Variants in C1orf185 observed in about 807,000 individuals in gnomAD.
C1orf185 encodes the protein chromosome 1 open reading frame 185, also known as uncharacterized protein C1orf185.
In C1orf185, 13 loss-of-function variants were observed where a neutral mutation model predicts 16.1. The observed-to-expected ratio is 0.81, with a 90% CI of 0.53 to 1.28. The LOEUF (loss-of-function observed/expected upper bound fraction) is 1.28. Ranked by LOEUF, C1orf185 falls within the 50% of genes most tolerant of loss-of-function variation. The probability of loss-of-function intolerance (pLI) is 0.00; values close to 1 mark genes in which losing one functional copy is unlikely to be tolerated. For synonymous variants in C1orf185, 80 were observed against 76.9 expected, an observed-to-expected ratio of 1.04 and a Z score of -0.21; for missense variants, 220 against 225.2, an observed-to-expected ratio of 0.98 and a Z score of 0.15.
chr1:51,145,599 G>T, intron 3 of C1orf185, 125 bp from the exon 4 acceptor site: 1 of 463,778 alleles, frequency 2.2e-6, no homozygotes, highest in Non-Finnish European at 3.6e-6. Context: ...TTCATACTGT[G>T]GAAAGAAACA....
intron 3 of C1orf185, among the ~76,000 whole-genome samples, chr1:51,129,282 G>A (rs1389486767): frequency 6.6e-6 from 1 of 152,144 alleles, no homozygotes; most frequent in East Asian, 1.9e-4. Context: ...CTGGGATTAT[G>A]AGTGTGAGCC....
chr1:51,113,008 G>A (rs1247599958), intron 2 of C1orf185, among the ~76,000 whole-genome samples: 1 of 151,596 alleles, frequency 6.6e-6, no homozygotes, highest in African/African-American at 2.4e-5. Context: ...TAGTAGAGAC[G>A]GGGTTTCACC....
At chr1:51,146,244 A>G (rs1646400046) in intron 4 of C1orf185, among the ~76,000 whole-genome samples, 1 of 152,068 alleles carries the variant, frequency 6.6e-6, no homozygotes, top group South Asian at 2.1e-4. Context: ...AGATCACTTG[A>G]GGCCAGGAGT....
chr1:51,116,913 C>G lies in C1orf185; in HGVS notation c.123-1753C>G, dbSNP rs1646162011. Among the ~76,000 whole-genome samples the G allele has an allele frequency of 3.3e-5, 5 of 152,288 alleles. No individual in the cohort carries two copies. In the South Asian group the frequency reaches 1.0e-3, roughly 32 times the overall value. On this transcript the variant is annotated intron_variant, in intron 2 of 4. Transcript: ENST00000371759. ...AGATGCCCAGTTAAATCATCCCTACCTTAATACTAAAGGCTTCCCTGACCT... is the reference window on the plus strand; with the variant it reads ...AGATGCCCAGTTAAATCATCCCTACGTTAATACTAAAGGCTTCCCTGACCT...
At chr1:51,138,619 C>T (rs1489959118) in intron 3 of C1orf185, among the ~76,000 whole-genome samples, 1 of 152,012 alleles carries the variant, frequency 6.6e-6, no homozygotes, top group Non-Finnish European at 1.5e-5. Context: ...GTCTCAATCT[C>T]CTGACTTCAT....
intron 1 of C1orf185, among the ~76,000 whole-genome samples, chr1:51,108,855 G>A (rs1240756504): frequency 2.0e-5 from 3 of 152,152 alleles, no homozygotes; most frequent in Middle Eastern, 3.4e-3. Flanking sequence ...CTTGGCTATC[G>A]TGAATAATGC....
intron 3 of C1orf185, among the ~76,000 whole-genome samples, chr1:51,131,743 A>T (rs1470798440): frequency 1.3e-5 from 2 of 152,232 alleles, no homozygotes; most frequent in African/African-American, 4.8e-5. Flanking sequence ...AACCTAAAAT[A>T]AGCAATGATT....
Position 51,112,469 on chromosome 1 carries a change from T to C in C1orf185, c.22T>C (p.Phe8Leu). The change falls in exon 2 of 5, where the codon TTT (phenylalanine) becomes CTT (leucine). Residue 8 changes from phenylalanine (F) to leucine (L), a missense_variant. Transcript: ENST00000371759. MASPKGF[F>L]NYLTYFLAAG... Reference sequence around the variant, plus strand: ...TTTGTAATTTGTTTGTATAGGTTTTTTTAATTACTTGACCTATTTTCTTGC... The same window carrying C: ...TTTGTAATTTGTTTGTATAGGTTTTCTTAATTACTTGACCTATTTTCTTGC... The C allele has an allele frequency of 5.2e-6, 8 of 1,542,024 alleles. No individual in the cohort carries two copies. The highest frequency in any genetic ancestry group is 7.0e-6 in the Non-Finnish European group (8 of 1,144,078).
chr1:51,111,050 C>T (rs1042340109), intron 1 of C1orf185, among the ~76,000 whole-genome samples: 3 of 152,046 alleles, frequency 2.0e-5, no homozygotes, highest in East Asian at 1.9e-4. Context: ...AAGCTTTCTA[C>T]GGTTTACTTT....
intron 1 of C1orf185, among the ~76,000 whole-genome samples, chr1:51,108,521 G>A (rs1013757719): frequency 2.6e-5 from 4 of 151,966 alleles, no homozygotes; most frequent in Admixed American, 6.6e-5. Flanking sequence ...AAACATTAGA[G>A]AACATATTCC....
chr1:51,122,158 G>A (rs563359119), intron 3 of C1orf185, among the ~76,000 whole-genome samples: 1 of 152,134 alleles, frequency 6.6e-6, no homozygotes, highest in East Asian at 1.9e-4. Flanking sequence ...CAAATTTTCT[G>A]TGGTTTACAT....
intron 2 of C1orf185, among the ~76,000 whole-genome samples, chr1:51,116,329 T>G (rs1646157461): frequency 6.6e-6 from 1 of 151,648 alleles, no homozygotes; most frequent in Admixed American, 6.6e-5. Context: ...TTTTTTTTTT[T>G]TTTGAAACGG....
intron 3 of C1orf185, among the ~76,000 whole-genome samples, chr1:51,137,084 A>G (rs544779561): frequency 6.6e-6 from 1 of 152,230 alleles, no homozygotes; most frequent in Non-Finnish European, 1.5e-5. Flanking sequence ...AGCCCCATTA[A>G]AAAGTGAGGA....
chr1:51,150,457 T>C (rs535680588), downstream of C1orf185, among the ~76,000 whole-genome samples: 1 of 152,250 alleles, frequency 6.6e-6, no homozygotes, highest in East Asian at 1.9e-4. Flanking sequence ...CCTCCCAAAG[T>C]GCTGGGATTA....
intron 4 of C1orf185, among the ~76,000 whole-genome samples, chr1:51,146,516 A>G (rs1176655797): frequency 6.6e-6 from 1 of 152,102 alleles, no homozygotes; most frequent in East Asian, 1.9e-4. Context: ...AATTTTTTAA[A>G]AAGAAAAGTT....
intron 3 of C1orf185, among the ~76,000 whole-genome samples, chr1:51,121,069 A>G (rs1202751515): frequency 2.0e-5 from 3 of 152,214 alleles, no homozygotes; most frequent in African/African-American, 7.2e-5. Context: ...AATGTTAGTT[A>G]ACACGTGTGT....
chr1:51,144,539 C>T (rs777866891), intron 3 of C1orf185, among the ~76,000 whole-genome samples: 6 of 152,004 alleles, frequency 3.9e-5, no homozygotes, highest in Non-Finnish European at 7.4e-5. Flanking sequence ...AAGTGAGACC[C>T]CATCTGTACA....
intron 3 of C1orf185, among the ~76,000 whole-genome samples, chr1:51,127,368 A>C (rs1214911895): frequency 6.6e-6 from 1 of 151,904 alleles, no homozygotes; most frequent in African/African-American, 2.4e-5. Context: ...AGCTCACTGC[A>C]ACCTCCGCCT....
chr1:51,151,245 A>G (rs1225039672), downstream of C1orf185, among the ~76,000 whole-genome samples: 1 of 152,236 alleles, frequency 6.6e-6, no homozygotes, highest in Admixed American at 6.5e-5. Flanking sequence ...AACAGGTTCA[A>G]ATTCCATCAG....
Sources: allele counts gnomAD v4.1 joint callset (sites outside exome capture counted in the v4.1 genomes callset), GRCh38; gene constraint gnomAD v4.1.1; transcripts MANE v1.5; gene names NCBI Gene and HGNC (gene_info 2026-07-23, HGNC 2026-07-21).